TLN2: variants seen among roughly 807,000 people sequenced by gnomAD.
The protein encoded by TLN2 is talin-2.
A neutral mutation model predicts 294.7 loss-of-function variants in TLN2; 118 were observed. That is an observed-to-expected ratio of 0.40 (90% CI 0.34 to 0.47). The LOEUF is 0.47. Among genes scored for constraint, TLN2 ranks in the 20% least tolerant of loss-of-function variants. The probability of loss-of-function intolerance (pLI) is 0.84; values close to 1 mark genes in which losing one functional copy is unlikely to be tolerated. For missense variants in TLN2, 3,083 were observed against 3,282.2 expected (o/e 0.94, Z 1.48); for synonymous variants, 1,431 against 1,304.5 (o/e 1.10, Z -2.09).
chr15:62,577,215 G>A (rs372769389), intron 1 of TLN2, among the ~76,000 whole-genome samples: 7 of 152,100 alleles, frequency 4.6e-5, no homozygotes, highest in African/African-American at 9.7e-5. Flanking sequence ...AGGCTGAGGC[G>A]GGCGGATCAC....
In TLN2 at chr15:62,757,962, T is replaced by C. The variant is rs547928372; in HGVS notation, c.4638+2269T>C. 2.1e-4 allele frequency among the ~76,000 whole-genome samples: 32 copies of C among 152,344 alleles called. 1 individual carries two copies. Among genetic ancestry groups the C allele is most frequent in the African/African-American group, 6.5e-4 (27 of 41,574 alleles). ...CATGGTACTATATACTGAATAGATTTCCTGTTTGAAGGAATGGTTATGTGT... is the reference window on the plus strand; with the variant it reads ...CATGGTACTATATACTGAATAGATTCCCTGTTTGAAGGAATGGTTATGTGT... On this transcript the variant is annotated intron_variant, in intron 37 of 58. Coordinates refer to ENST00000636159, the MANE Select transcript of TLN2 (RefSeq NM_015059.3).
chr15:62,820,550 A>G lies in TLN2; in HGVS notation c.6942A>G (p.Ala2314=). Residue 2314 remains alanine, a synonymous_variant, in exon 54 of 59, where the codon GCA becomes GCG. Coordinates refer to ENST00000636159, the MANE Select transcript of TLN2 (RefSeq NM_015059.3). ...CAGAAACAGAGTTACTGGGGGCTGC[A>G]GCATCCATCGAAGCTGCTGCTAAGA... ...VIAETELLGA[A]ASIEAAAKKL... is the part of the protein sequence containing the mutation. The G allele has an allele frequency of 6.2e-7, 1 of 1,614,088 alleles. No individual in the cohort carries two copies. Among genetic ancestry groups the G allele is most frequent in the African/African-American group, 1.3e-5 (1 of 75,060 alleles).
intron 2 of TLN2, among the ~76,000 whole-genome samples, chr15:62,601,426 A>G (rs1345730034): frequency 2.0e-5 from 3 of 152,112 alleles, no homozygotes; most frequent in Non-Finnish European, 4.4e-5. Context: ...TGTATTTTCT[A>G]TGATTTCTTA....
Position 62,686,716 on chromosome 15 carries a change from G to T in TLN2, c.1033G>T (p.Glu345Ter). 1 of 1,614,054 alleles carries T rather than the reference G, an allele frequency of 6.2e-7. No homozygotes were observed. The change falls in exon 12 of 59, where the codon GAG (glutamate) becomes TAG (stop). Residue 345 changes from glutamate (E) to a stop codon, truncating the protein, a stop_gained. Transcript: ENST00000636159. LOFTEE classifies it high-confidence loss of function. Reference protein sequence around the residue: ...ITKDSVMRVDEKTKEVLQEWP... With the variant: ...ITKDSVMRVD ...CAAAGACTCGGTGATGCGCGTGGAT[G>T]AGAAGACCAAGGAAGTGCTGCAGGA... is the stretch of plus-strand genomic sequence containing the variant.
In TLN2 at chr15:62,843,982, A is replaced by C. The variant is rs1237354943; in HGVS notation, c.*3372A>C. ...TCAGCACAGACTATCAGCATGTTCC[A>C]TTCTCAGATTCCTGGAGGAAAGGTA... On this transcript the variant is annotated 3_prime_UTR_variant, in exon 59 of 59. Coordinates refer to ENST00000636159, the MANE Select transcript of TLN2 (RefSeq NM_015059.3). The C allele has an allele frequency of 6.6e-6, 1 of 152,212 alleles. No individual in the cohort carries two copies. Among genetic ancestry groups the C allele is most frequent in the African/African-American group, 2.4e-5 (1 of 41,448 alleles). 9.4% of individuals were successfully genotyped at this position (152,212 alleles called of 1,614,324 possible).
intron 1 of TLN2, among the ~76,000 whole-genome samples, chr15:62,489,758 G>A (rs1288762584): frequency 3.3e-5 from 5 of 152,162 alleles, no homozygotes; most frequent in Admixed American, 1.3e-4. Context: ...GTTCTCTCAC[G>A]GATTGCTTCC....
intron 32 of TLN2, among the ~76,000 whole-genome samples, chr15:62,746,033 A>T (rs1424335744): frequency 6.6e-6 from 1 of 152,158 alleles, no homozygotes; most frequent in Non-Finnish European, 1.5e-5. Context: ...AAAATTTTAC[A>T]TCTACAGAAA....
chr15:62,400,540 T>C (rs948688914), intron 1 of TLN2, among the ~76,000 whole-genome samples: 1 of 152,236 alleles, frequency 6.6e-6, no homozygotes, highest in African/African-American at 2.4e-5. Flanking sequence ...AAATAGTCTA[T>C]AATGAATTCT....
chr15:62,640,207 A>G (rs2050863221), intron 3 of TLN2: 1 of 455,892 alleles, frequency 2.2e-6, no homozygotes, highest in African/African-American at 2.0e-5. Flanking sequence ...ACAGGTAGGG[A>G]GTGGAGAAGG....
intron 37 of TLN2, among the ~76,000 whole-genome samples, chr15:62,757,158 CAA>C (rs1423565118): frequency 6.6e-6 from 1 of 152,214 alleles, no homozygotes; most frequent in East Asian, 1.9e-4. Context: ...ATCTGAGGCA[CAA>C]AGAGGTTAAG....
chr15:62,774,898 C>T (rs911696464), intron 42 of TLN2, among the ~76,000 whole-genome samples: 8 of 151,702 alleles, frequency 5.3e-5, no homozygotes, highest in Non-Finnish European at 1.2e-4. Context: ...AAGCGGTGCT[C>T]CTGTCTCCCC....
At chr15:62,558,098 A>C (rs935696550) in intron 1 of TLN2, among the ~76,000 whole-genome samples, 17 of 152,224 alleles carry the variant, frequency 1.1e-4, no homozygotes, top group African/African-American at 3.9e-4. Context: ...TTTGCTAAAA[A>C]ATTTGAAAGC....
intron 3 of TLN2, among the ~76,000 whole-genome samples, chr15:62,627,028 T>C (rs6494330): frequency 0.94 from 143,308 of 152,274 alleles, 67,481 homozygotes; most frequent in East Asian, 1. Flanking sequence ...GATATATTGC[T>C]GGGGTTGCAA....
At chr15:62,499,010 T>G (rs987812478) in intron 1 of TLN2, among the ~76,000 whole-genome samples, 5 of 152,204 alleles carry the variant, frequency 3.3e-5, no homozygotes, top group African/African-American at 1.2e-4. Flanking sequence ...TCTTTGCCAC[T>G]GTACTTCTTA....
At chr15:62,601,589 TTGA>T (rs1567173254) in intron 2 of TLN2, among the ~76,000 whole-genome samples, 2 of 152,238 alleles carry the variant, frequency 1.3e-5, no homozygotes, top group Non-Finnish European at 2.9e-5. Flanking sequence ...TTACTGGCAA[TTGA>T]TGATCATTGC....
intron 1 of TLN2, among the ~76,000 whole-genome samples, chr15:62,585,735 A>G (rs537557458): frequency 6.6e-6 from 1 of 152,312 alleles, no homozygotes; most frequent in African/African-American, 2.4e-5. Flanking sequence ...CCTTTGAAAT[A>G]AGCTCCTATT....
intron 1 of TLN2, among the ~76,000 whole-genome samples, chr15:62,583,206 A>G (rs1487588333): frequency 2.0e-5 from 3 of 152,220 alleles, no homozygotes; most frequent in Admixed American, 6.5e-5. Context: ...CTTGATACCC[A>G]TATTCCATGG....
intron 27 of TLN2, among the ~76,000 whole-genome samples, chr15:62,725,885 G>A (rs1428904638): frequency 6.6e-6 from 1 of 152,174 alleles, no homozygotes; most frequent in Non-Finnish European, 1.5e-5. Context: ...ACGAACTGAA[G>A]ACTTTTAGAA....
chr15:62,691,078 GCTT>G, intron 12 of TLN2, among the ~76,000 whole-genome samples: 1 of 150,394 alleles, frequency 6.6e-6, no homozygotes, highest in Middle Eastern at 3.4e-3. Context: ...AGGGGTATGG[GCTT>G]CTTAAGATTT....
Sources: allele counts gnomAD v4.1 joint callset (sites outside exome capture counted in the v4.1 genomes callset), GRCh38; gene constraint gnomAD v4.1.1; transcripts MANE v1.5; gene names NCBI Gene and HGNC (gene_info 2026-07-23, HGNC 2026-07-21).